The following CLASP1 variants were observed in gnomAD, a reference collection of about 807,000 sequenced individuals.
The protein encoded by CLASP1 is cytoplasmic linker associated protein 1.
In CLASP1, 38 loss-of-function variants were observed where a neutral mutation model predicts 192.3. The observed-to-expected ratio is 0.20, with a 90% CI of 0.15 to 0.26. The LOEUF (loss-of-function observed/expected upper bound fraction) is 0.26, where lower values mean the gene tolerates loss of function less well. CLASP1 is among the 10% of genes least tolerant of loss of function. The pLI, the probability that CLASP1 is intolerant of heterozygous loss-of-function variation, is 1.00. For synonymous variants in CLASP1, 691 were observed against 712.8 expected (o/e 0.97, Z 0.49); for missense variants, 1,433 against 1,932.5 (o/e 0.74, Z 4.85).
chr2:121,590,673 G>A (rs187821868), intron 2 of CLASP1, among the ~76,000 whole-genome samples: 1 of 151,942 alleles, frequency 6.6e-6, no homozygotes, highest in East Asian at 1.9e-4. Flanking sequence ...TGCTTTTACT[G>A]TAATAAAAAC....
intron 6 of CLASP1, among the ~76,000 whole-genome samples, chr2:121,521,625 C>A (rs1373698545): frequency 6.6e-6 from 1 of 152,210 alleles, no homozygotes; most frequent in Non-Finnish European, 1.5e-5. Flanking sequence ...GCACCTGTGG[C>A]CCACTCTGAA....
At chr2:121,413,692 G>A (rs913053614) in intron 23 of CLASP1, among the ~76,000 whole-genome samples, 2 of 152,078 alleles carry the variant, frequency 1.3e-5, no homozygotes, top group African/African-American at 2.4e-5. Context: ...AATTTGCAGC[G>A]CTGTTAACTA....
intron 37 of CLASP1, among the ~76,000 whole-genome samples, chr2:121,360,868 T>C (rs2066262357): frequency 6.6e-6 from 1 of 152,182 alleles, no homozygotes; most frequent in South Asian, 2.1e-4. Context: ...TGCTGCTAAG[T>C]TTATTTTAAG....
In CLASP1 at chr2:121,639,282, A is replaced by C. The variant is rs529016739; in HGVS notation, c.-286+10090T>G. 4.6e-5 allele frequency among the ~76,000 whole-genome samples: 7 copies of C among 152,202 alleles called. No homozygotes were observed. In the East Asian group the frequency reaches 7.8e-4, roughly 17 times the overall value. ...ACAGAGCGAGACTCTGTCTCAAAAA[A>C]AAACAAACAAACAAAAACAAAAAAA... On this transcript the variant is annotated intron_variant, in intron 1 of 39. Transcript: ENST00000263710.
At chr2:121,581,057 G>A (rs1559672694) in intron 2 of CLASP1, among the ~76,000 whole-genome samples, 1 of 151,990 alleles carries the variant, frequency 6.6e-6, no homozygotes, top group Non-Finnish European at 1.5e-5. Context: ...TACCAAAAAC[G>A]TGAGGAAGGA....
At chr2:121,430,112 G>A (rs540398790) in exon 20 of CLASP1, 1 of 1,576,908 alleles carries the variant, frequency 6.3e-7, no homozygotes, top group Non-Finnish European at 8.6e-7. Flanking sequence ...CTGCGGCCCC[G>A]GTTATCAGGT....
chr2:121,355,378 C>T (rs920035684), intron 37 of CLASP1, among the ~76,000 whole-genome samples: 1 of 152,174 alleles, frequency 6.6e-6, no homozygotes, highest in Admixed American at 6.5e-5. Flanking sequence ...ATCTGCCCAC[C>T]TCGGCCTCCC....
chr2:121,365,348 G>A, intron 35 of CLASP1, 64 bp from the exon 37 acceptor site: 2 of 1,415,838 alleles, frequency 1.4e-6, no homozygotes, highest in Non-Finnish European at 1.9e-6. Context: ...GGCTTGCTCA[G>A]TGGTGCGCAG....
At chr2:121,351,711 T>C (rs1419485376) in intron 37 of CLASP1, among the ~76,000 whole-genome samples, 2 of 152,208 alleles carry the variant, frequency 1.3e-5, no homozygotes, top group African/African-American at 4.8e-5. Flanking sequence ...ACACTGGGAT[T>C]ATGGATGAAT....
intron 2 of CLASP1, among the ~76,000 whole-genome samples, chr2:121,599,524 G>T (rs1430228863): frequency 6.8e-6 from 1 of 146,256 alleles, no homozygotes; most frequent in Non-Finnish European, 1.5e-5. Flanking sequence ...GGAGGTGGAG[G>T]TTGCATTGAG....
At chr2:121,412,486 TA>T (rs1368028305) in intron 23 of CLASP1, among the ~76,000 whole-genome samples, 4 of 151,656 alleles carry the variant, frequency 2.6e-5, no homozygotes, top group Admixed American at 2.0e-4. Flanking sequence ...TTTTTTTCAT[TA>T]AAAAAGGGTA....
Position 121,357,263 on chromosome 2 carries a change from A to T in CLASP1, c.4206+5909T>A, listed in dbSNP as rs185125768. 6.6e-3 allele frequency among the ~76,000 whole-genome samples: 1,001 copies of T among 152,314 alleles called. 15 individuals are homozygous for T. The highest frequency in any genetic ancestry group is 0.023 in the African/African-American group (957 of 41,554). Reference sequence around the variant, plus strand: ...TTATATCTGCTTTATGTAGAATTTTAAAAACTTGACAACAATTCTATTCAA... The same window carrying T: ...TTATATCTGCTTTATGTAGAATTTTTAAAACTTGACAACAATTCTATTCAA... On this transcript the variant is annotated intron_variant, in intron 37 of 39. Coordinates refer to ENST00000263710, the Ensembl canonical transcript of CLASP1.
intron 16 of CLASP1, among the ~76,000 whole-genome samples, chr2:121,450,251 A>G (rs1306554229): frequency 6.6e-6 from 1 of 152,004 alleles, no homozygotes; most frequent in Non-Finnish European, 1.5e-5. Context: ...GAATGACGAG[A>G]ACCTGGGAGG....
chr2:121,511,965 A>G (rs567843397), intron 7 of CLASP1, among the ~76,000 whole-genome samples: 1 of 152,368 alleles, frequency 6.6e-6, no homozygotes, highest in South Asian at 2.1e-4. Flanking sequence ...TTAAAGTACC[A>G]ATTTTCCCTT....
intron 8 of CLASP1, chr2:121,490,254 A>G: frequency 2.2e-6 from 1 of 450,588 alleles, no homozygotes. Context: ...ACTTTTCAGA[A>G]TATATTAGAA....
chr2:121,555,988 C>CTTTTTTTTTT lies in CLASP1; in HGVS notation c.196-25673_196-25664dup, dbSNP rs34423741. On this transcript the variant is annotated intron_variant, in intron 2 of 39. Transcript: ENST00000263710. ...CACGGCGCCTGCCCCCTACCCACCG[C>CTTTTTTTTTT]TTTTTTTTTTTTTTTTTTTTTTTTT... Among the ~76,000 whole-genome samples the CTTTTTTTTTT allele has an allele frequency of 1.6e-3, 67 of 42,396 alleles. 13 individuals carry two copies. Among genetic ancestry groups the CTTTTTTTTTT allele is most frequent in the African/African-American group, 4.3e-3 (39 of 9,090 alleles). The allele number at this position is 42,396 out of a possible 152,430, so 27.8% of individuals were successfully genotyped here. A position where few individuals can be genotyped will look rare whatever the true frequency, so the allele number is the denominator to read the frequency against.
chr2:121,396,794 T>C (rs889511263), intron 30 of CLASP1, among the ~76,000 whole-genome samples: 2 of 152,240 alleles, frequency 1.3e-5, no homozygotes, highest in Admixed American at 1.3e-4. Flanking sequence ...TCAGGGACCC[T>C]GTAGCCAGCT....
chr2:121,461,844 T>C (rs1161824473), intron 10 of CLASP1, among the ~76,000 whole-genome samples: 4 of 152,128 alleles, frequency 2.6e-5, no homozygotes, highest in African/African-American at 4.8e-5. Flanking sequence ...CCATGGATGA[T>C]TTTTGTATCT....
At chr2:121,596,360 T>C (rs1025460973) in intron 2 of CLASP1, among the ~76,000 whole-genome samples, 13 of 152,220 alleles carry the variant, frequency 8.5e-5, no homozygotes, top group Non-Finnish European at 1.6e-4. Flanking sequence ...AAAAGATGTG[T>C]CACTTGGTGG....
Sources: gnomAD v4.1 joint callset for allele counts (sites outside exome capture counted in the v4.1 genomes callset) on GRCh38, gnomAD v4.1.1 for gene constraint, MANE v1.5 for transcripts, NCBI Gene and HGNC (gene_info 2026-07-23, HGNC 2026-07-21) for gene names.